The following PLEKHA5 variants were observed in gnomAD, a reference collection of about 807,000 sequenced individuals.
PLEKHA5 encodes pleckstrin homology domain-containing family A member 5.
Under a neutral mutation model 181.9 loss-of-function variants are expected in PLEKHA5, and 55 were observed. That is an observed-to-expected ratio of 0.30 (90% CI 0.24 to 0.38). The LOEUF (loss-of-function observed/expected upper bound fraction) is 0.38. PLEKHA5 is among the 10% of genes least tolerant of loss of function. The pLI, the probability that PLEKHA5 is intolerant of heterozygous loss-of-function variation, is 1.00. For missense variants in PLEKHA5, 1,432 were observed against 1,549.5 expected (o/e 0.92, Z 1.27); for synonymous variants, 535 against 529.4 (o/e 1.01, Z -0.15).
intron 3 of PLEKHA5, chr12:19,200,854 C>A: frequency 5.9e-6 from 1 of 168,228 alleles, no homozygotes; most frequent in Non-Finnish European, 1.2e-5. Flanking sequence ...TCATATCATG[C>A]ACAAAAATTA....
intron 20 of PLEKHA5, among the ~76,000 whole-genome samples, chr12:19,331,634 G>A (rs955980051): frequency 2.0e-5 from 3 of 151,874 alleles, no homozygotes; most frequent in Non-Finnish European, 2.9e-5. Context: ...TTTCTCCCCC[G>A]CACAGTGGCC....
chr12:19,370,461 AC>A (rs1367877204), intron 31 of PLEKHA5, among the ~76,000 whole-genome samples: 1 of 152,166 alleles, frequency 6.6e-6, no homozygotes, highest in Non-Finnish European at 1.5e-5. Flanking sequence ...GCTAATTTTA[AC>A]CTAGAATTTA....
intron 8 of PLEKHA5, among the ~76,000 whole-genome samples, chr12:19,268,657 G>C (rs1314703277): frequency 1.3e-5 from 2 of 152,172 alleles, no homozygotes; most frequent in Non-Finnish European, 2.9e-5. Context: ...ACATCATCTA[G>C]TAAATATTTC....
chr12:19,313,522 G>C (rs1268737520), intron 15 of PLEKHA5, among the ~76,000 whole-genome samples: 3 of 152,096 alleles, frequency 2.0e-5, no homozygotes, highest in Non-Finnish European at 2.9e-5. Context: ...TGTATGTTTT[G>C]ATTGTTACAT....
At chr12:19,185,773 A>G (rs572693953) in intron 3 of PLEKHA5, among the ~76,000 whole-genome samples, 17 of 152,282 alleles carry the variant, frequency 1.1e-4, no homozygotes, top group African/African-American at 3.9e-4. Flanking sequence ...CCATATCTGT[A>G]GGGGCCCAAT....
intron 8 of PLEKHA5, 34 bp downstream of exon 8, chr12:19,265,884 CA>C (rs759554672): frequency 1.4e-4 from 172 of 1,192,354 alleles, no homozygotes; most frequent in Admixed American, 2.4e-4. Flanking sequence ...ATTCTGTGTT[CA>C]AAACTTGCGT....
At chr12:19,190,674 T>C (rs374662093) in intron 3 of PLEKHA5, among the ~76,000 whole-genome samples, 15 of 152,370 alleles carry the variant, frequency 9.8e-5, no homozygotes, top group African/African-American at 3.4e-4. Context: ...GTTATCTCAG[T>C]GTTATTGCAA....
chr12:19,298,749 C>G (rs1032706292), intron 15 of PLEKHA5, among the ~76,000 whole-genome samples: 1 of 152,070 alleles, frequency 6.6e-6, no homozygotes, highest in Non-Finnish European at 1.5e-5. Flanking sequence ...AAAAATGGTT[C>G]AGAATATCAG....
At chr12:19,304,977 G>C (rs2082772411) in intron 15 of PLEKHA5, among the ~76,000 whole-genome samples, 1 of 152,102 alleles carries the variant, frequency 6.6e-6, no homozygotes, top group Non-Finnish European at 1.5e-5. Flanking sequence ...AAAGAAAGAA[G>C]TCTAGGTTTT....
intron 11 of PLEKHA5, among the ~76,000 whole-genome samples, chr12:19,282,362 A>G (rs372366895): frequency 1.3e-5 from 2 of 152,288 alleles, no homozygotes; most frequent in South Asian, 2.1e-4. Context: ...AAATATTGTG[A>G]TATTTAAGTA....
chr12:19,274,476 A>G (rs1335932601), intron 10 of PLEKHA5, 40 bp from the exon 11 acceptor site: 2 of 1,350,574 alleles, frequency 1.5e-6, no homozygotes, highest in Admixed American at 4.0e-5. Context: ...TATGTACATT[A>G]TTTCATCTGA....
At chr12:19,213,730 C>T (rs1444908213) in intron 3 of PLEKHA5, among the ~76,000 whole-genome samples, 2 of 151,980 alleles carry the variant, frequency 1.3e-5, no homozygotes, top group Non-Finnish European at 2.9e-5. Flanking sequence ...ATCAATACAA[C>T]GTAAGTTAAG....
intron 3 of PLEKHA5, among the ~76,000 whole-genome samples, chr12:19,208,419 A>AAGG (rs3056419): frequency 1.3e-5 from 2 of 150,334 alleles, no homozygotes; most frequent in African/African-American, 4.9e-5. Context: ...AAAAAAAAAA[A>AAGG]AAGTTCATTT....
intron 16 of PLEKHA5, among the ~76,000 whole-genome samples, chr12:19,315,446 G>A (rs964615409): frequency 6.6e-6 from 1 of 152,072 alleles, no homozygotes; most frequent in Non-Finnish European, 1.5e-5. Context: ...TCAAGCAGTC[G>A]TCAAGACTAT....
intron 15 of PLEKHA5, among the ~76,000 whole-genome samples, chr12:19,298,878 C>T (rs1170288614): frequency 1.3e-5 from 2 of 152,204 alleles, no homozygotes; most frequent in Non-Finnish European, 2.9e-5. Context: ...AGACTAGGAA[C>T]TTAAGGCTGG....
chr12:19,184,945 T>G (rs909640316), intron 3 of PLEKHA5, among the ~76,000 whole-genome samples: 1 of 152,142 alleles, frequency 6.6e-6, no homozygotes, highest in Non-Finnish European at 1.5e-5. Context: ...GTGATTGTTA[T>G]ATAGTCGGTG....
rs1344567297 is a variant in PLEKHA5 at position 19,324,067 on chromosome 12, A to G, written c.2448+1400A>G. On this transcript the variant is annotated intron_variant, in intron 20 of 31. Transcript: ENST00000429027. The stretch of plus-strand genomic sequence containing the variant: ...AGGAAAAACTGCCATGTTATATAAA[A>G]CTGCTCCCAAACCCTTGTCTGTACC... 3.9e-5 allele frequency among the ~76,000 whole-genome samples: 6 copies of G among 152,118 alleles called. No homozygotes were observed. In the East Asian group the frequency reaches 1.2e-3, roughly 29 times the overall value.
chr12:19,263,278 T>G (rs887343155), intron 7 of PLEKHA5, among the ~76,000 whole-genome samples: 1 of 152,148 alleles, frequency 6.6e-6, no homozygotes, highest in African/African-American at 2.4e-5. Context: ...GTGGGGAATC[T>G]TATGTTCATT....
At chr12:19,312,966 G>A (rs1383677010) in intron 15 of PLEKHA5, among the ~76,000 whole-genome samples, 2 of 152,154 alleles carry the variant, frequency 1.3e-5, no homozygotes, top group Non-Finnish European at 2.9e-5. Flanking sequence ...AGCCATTGTA[G>A]GGTTATTAAT....
Sources: allele counts gnomAD v4.1 joint callset (sites outside exome capture counted in the v4.1 genomes callset), GRCh38; gene constraint gnomAD v4.1.1; transcripts MANE v1.5; gene names NCBI Gene and HGNC (gene_info 2026-07-23, HGNC 2026-07-21).